Variants in THSD7A observed in about 807,000 individuals in gnomAD.
THSD7A encodes the protein thrombospondin type-1 domain-containing protein 7A.
Under a neutral mutation model 231.3 loss-of-function variants are expected in THSD7A, and 96 were observed. The ratio of observed to expected loss-of-function variants is 0.41; its 90% confidence interval spans 0.35 to 0.49. The LOEUF is 0.49. Ranked by LOEUF, THSD7A falls within the 20% of genes least tolerant of loss-of-function variation. The pLI is 0.05. For missense variants in THSD7A, 2,290 were observed against 2,070.2 expected (o/e 1.11, Z -2.06); for synonymous variants, 940 against 743.3 (o/e 1.26, Z -4.30).
chr7:11,517,771 GAC>G (rs1260374290), intron 6 of THSD7A, among the ~76,000 whole-genome samples: 3 of 152,214 alleles, frequency 2.0e-5, no homozygotes, highest in African/African-American at 7.2e-5. Context: ...TATGAAAACT[GAC>G]AGACATATTA....
At chr7:11,629,420 G>T (rs951322957) in intron 2 of THSD7A, among the ~76,000 whole-genome samples, 1 of 152,174 alleles carries the variant, frequency 6.6e-6, no homozygotes, top group Admixed American at 6.5e-5. Flanking sequence ...ACGTGATGAT[G>T]AGTATCTGGC....
intron 1 of THSD7A, among the ~76,000 whole-genome samples, chr7:11,810,029 A>G (rs1784490174): frequency 6.6e-6 from 1 of 152,208 alleles, no homozygotes; most frequent in Non-Finnish European, 1.5e-5. Context: ...GAACAAATCA[A>G]CATTTGGAAC....
intron 1 of THSD7A, among the ~76,000 whole-genome samples, chr7:11,646,743 A>G (rs900263628): frequency 2.8e-4 from 42 of 152,048 alleles, no homozygotes; most frequent in African/African-American, 9.7e-4. Context: ...ATCTCAGGGA[A>G]CTTTGATAAA....
chr7:11,393,508 CA>C (rs2115335889), intron 23 of THSD7A, among the ~76,000 whole-genome samples: 1 of 152,164 alleles, frequency 6.6e-6, no homozygotes, highest in Non-Finnish European at 1.5e-5. Flanking sequence ...GATGAAGAAT[CA>C]TTTTGACAAA....
intron 1 of THSD7A, among the ~76,000 whole-genome samples, chr7:11,765,543 T>C (rs954597374): frequency 1.3e-5 from 2 of 152,188 alleles, no homozygotes; most frequent in African/African-American, 4.8e-5. Flanking sequence ...AAAATATATA[T>C]GGTTTGTATA....
In THSD7A at chr7:11,474,358, T is replaced by A; in HGVS notation, c.2228A>T (p.Asn743Ile). 1 of 1,612,826 alleles carries A rather than the reference T, an allele frequency of 6.2e-7. No individual in the cohort carries two copies. The highest frequency in any genetic ancestry group is 8.5e-7 in the Non-Finnish European group (1 of 1,179,216). ...QTRKVICVRV[N>I]VGQVGPKKCP... ...CTTTTTGGGTCCCACTTGGCCCACATTGACTCGCACACAGATGACTTTTCT... is the reference window on the plus strand; with the variant it reads ...CTTTTTGGGTCCCACTTGGCCCACAATGACTCGCACACAGATGACTTTTCT... The change falls in exon 8 of 28, where the codon AAT (asparagine) becomes ATT (isoleucine). Residue 743 changes from asparagine (N) to isoleucine (I), a missense_variant. By Grantham distance (149) the Asn-to-Ile change is moderately radical. Transcript: ENST00000423059. This position sits in a 1 kb window ranked among gnomAD's most constrained non-coding sequence, Gnocchi z 4.1.
chr7:11,743,938 G>C (rs1244229649), intron 1 of THSD7A, among the ~76,000 whole-genome samples: 2 of 151,802 alleles, frequency 1.3e-5, no homozygotes, highest in African/African-American at 4.8e-5. Context: ...CTTTTAATTA[G>C]CACTTACCAC....
chr7:11,376,505 T>A, intron 27 of THSD7A, 65 bp downstream of exon 27: 1 of 1,219,600 alleles, frequency 8.2e-7, no homozygotes, highest in Non-Finnish European at 1.2e-6. Flanking sequence ...ATTTGAGACA[T>A]TAGTTTGCTG....
intron 23 of THSD7A, among the ~76,000 whole-genome samples, chr7:11,389,421 C>CTTTT (rs57755425): frequency 2.7e-5 from 1 of 37,608 alleles, no homozygotes; most frequent in Non-Finnish European, 4.8e-5. Flanking sequence ...GCAACTCCTG[C>CTTTT]TTTTTTTTTT....
chr7:11,734,021 C>A (rs1239329451), intron 1 of THSD7A, among the ~76,000 whole-genome samples: 1 of 151,734 alleles, frequency 6.6e-6, no homozygotes, highest in Admixed American at 6.6e-5. Flanking sequence ...CTTTGTCTTC[C>A]CTTCTAACCT....
At chr7:11,811,495 A>G (rs1784526914) in intron 1 of THSD7A, among the ~76,000 whole-genome samples, 1 of 152,208 alleles carries the variant, frequency 6.6e-6, no homozygotes. Context: ...GTGGTAAAAG[A>G]AACCTACTGT....
intron 6 of THSD7A, among the ~76,000 whole-genome samples, chr7:11,530,334 T>C (rs1416418461): frequency 6.6e-6 from 1 of 152,158 alleles, no homozygotes; most frequent in African/African-American, 2.4e-5. Flanking sequence ...AAGTTTGAAT[T>C]TGCAGTGAGG....
rs1782017276 is a variant in THSD7A, at chr7:11,370,656, A to G, written c.*5138T>C. Reference sequence around the variant, plus strand: ...AATGTAAAATAAATTACATTACGCAATTTACAAAGTAATATTAACAAAAAT... The same window carrying G: ...AATGTAAAATAAATTACATTACGCAGTTTACAAAGTAATATTAACAAAAAT... On this transcript the variant is annotated 3_prime_UTR_variant, in exon 28 of 28. Transcript: ENST00000423059. 1 of 152,198 alleles carries G rather than the reference A, an allele frequency of 6.6e-6. No individual in the cohort carries two copies. Among genetic ancestry groups the G allele is most frequent in the African/African-American group, 2.4e-5 (1 of 41,460 alleles). The allele number at this position is 152,198 out of a possible 1,614,324, so 9.4% of individuals were successfully genotyped here.
chr7:11,511,444 A>C (rs193051069), intron 6 of THSD7A, among the ~76,000 whole-genome samples: 65 of 152,354 alleles, frequency 4.3e-4, no homozygotes, highest in African/African-American at 1.2e-3. Context: ...TTTAAAGTTC[A>C]TATGGAACCA....
At chr7:11,793,809 G>T (rs770453670) in intron 1 of THSD7A, among the ~76,000 whole-genome samples, 16 of 151,842 alleles carry the variant, frequency 1.1e-4, no homozygotes, top group Non-Finnish European at 1.5e-5. Flanking sequence ...TTGGCATGTT[G>T]CTTTGGACTT....
intron 4 of THSD7A, among the ~76,000 whole-genome samples, chr7:11,543,975 A>T (rs913987602): frequency 6.6e-6 from 1 of 152,164 alleles, no homozygotes; most frequent in Non-Finnish European, 1.5e-5. Context: ...TTAGCTGTAT[A>T]ATATCTGTCT....
At chr7:11,751,960 C>T (rs992160813) in intron 1 of THSD7A, among the ~76,000 whole-genome samples, 1 of 152,064 alleles carries the variant, frequency 6.6e-6, no homozygotes, top group Non-Finnish European at 1.5e-5. Flanking sequence ...ATAGCTGCAG[C>T]GAACGCTGAG....
intron 23 of THSD7A, among the ~76,000 whole-genome samples, chr7:11,393,812 G>C (rs370549454): frequency 2.6e-5 from 4 of 152,208 alleles, no homozygotes; most frequent in East Asian, 1.9e-4. Context: ...GACAAGATTA[G>C]AGAGAAAAGA....
intron 1 of THSD7A, among the ~76,000 whole-genome samples, chr7:11,701,705 C>G (rs1780606289): frequency 2.0e-5 from 3 of 150,964 alleles, no homozygotes; most frequent in African/African-American, 7.3e-5. Context: ...TAACAACTGC[C>G]CAGGAGATGT....
Sources: gnomAD v4.1 joint callset for allele counts (sites outside exome capture counted in the v4.1 genomes callset) on GRCh38, gnomAD v4.1.1 for gene constraint, Gnocchi (gnomAD v3.1) non-coding constraint, MANE v1.5 for transcripts, NCBI Gene and HGNC (gene_info 2026-07-23, HGNC 2026-07-21) for gene names.